Variants in RCAN2 observed in about 807,000 individuals in gnomAD.
RCAN2 encodes regulator of calcineurin 2, also known as calcipressin-2.
Under a neutral mutation model 23.6 loss-of-function variants are expected in RCAN2, and 9 were observed. The observed-to-expected ratio is 0.38, with a 90% CI of 0.23 to 0.67. The LOEUF (loss-of-function observed/expected upper bound fraction) is 0.67. RCAN2 is among the 30% of genes least tolerant of loss of function. The pLI, the probability that RCAN2 is intolerant of heterozygous loss-of-function variation, is 0.51. For synonymous variants in RCAN2, 109 were observed against 115.7 expected, an observed-to-expected ratio of 0.94 and a Z score of 0.37; for missense variants, 273 against 302.3, an observed-to-expected ratio of 0.90 and a Z score of 0.72.
At chr6:46,233,996 T>C (rs1766001623) in intron 4 of RCAN2, among the ~76,000 whole-genome samples, 2 of 152,198 alleles carry the variant, frequency 1.3e-5, no homozygotes, top group South Asian at 4.1e-4. Flanking sequence ...CCCAAAGTGC[T>C]GAGATTACAG....
chr6:46,388,555 C>A (rs1477214015), intron 2 of RCAN2, among the ~76,000 whole-genome samples: 1 of 152,140 alleles, frequency 6.6e-6, no homozygotes, highest in East Asian at 1.9e-4. Context: ...ACCTTAATGT[C>A]CATCAATGAT....
upstream of RCAN2, chr6:46,491,910 G>A (rs1424187423): frequency 6.6e-6 from 1 of 152,376 alleles, no homozygotes; most frequent in African/African-American, 2.4e-5. Context: ...CTGAGGAAAT[G>A]TCGGGGAGCC....
At chr6:46,329,062 C>T (rs1224071572) in intron 2 of RCAN2, among the ~76,000 whole-genome samples, 3 of 152,140 alleles carry the variant, frequency 2.0e-5, no homozygotes, top group African/African-American at 4.8e-5. Flanking sequence ...TTTCTTCACT[C>T]CTCTTGTTCC....
At chr6:46,424,691 G>A (rs1205857071) in intron 2 of RCAN2, among the ~76,000 whole-genome samples, 1 of 152,072 alleles carries the variant, frequency 6.6e-6, no homozygotes, top group African/African-American at 2.4e-5. Context: ...TCCTTAGGCT[G>A]CCCCTGACAG....
chr6:46,388,381 G>A (rs2153618), intron 2 of RCAN2, among the ~76,000 whole-genome samples: 75,685 of 151,918 alleles, frequency 0.5, 19,535 homozygotes, highest in East Asian at 0.61. Context: ...ATCGTGGAAG[G>A]CAGTGTGGCA....
At chr6:46,450,772 CA>C (rs1418159309) in intron 2 of RCAN2, among the ~76,000 whole-genome samples, 2 of 151,800 alleles carry the variant, frequency 1.3e-5, no homozygotes, top group Non-Finnish European at 2.9e-5. Context: ...TGGTACTTAC[CA>C]GGGGCTGGGA....
At chr6:46,482,051 G>A (rs897255375) in intron 1 of RCAN2, among the ~76,000 whole-genome samples, 1 of 151,898 alleles carries the variant, frequency 6.6e-6, no homozygotes, top group Non-Finnish European at 1.5e-5. Context: ...ATCCAAAAAG[G>A]AATAATAAAA....
chr6:46,445,337 A>T (rs1192976130), intron 2 of RCAN2, among the ~76,000 whole-genome samples: 1 of 152,116 alleles, frequency 6.6e-6, no homozygotes, highest in Non-Finnish European at 1.5e-5. Flanking sequence ...CCACCTGCTG[A>T]CCCAGGCACC....
intron 2 of RCAN2, among the ~76,000 whole-genome samples, chr6:46,252,423 C>G (rs1343257728): frequency 6.6e-6 from 1 of 152,156 alleles, no homozygotes; most frequent in African/African-American, 2.4e-5. Context: ...TTTGTAGCAT[C>G]CTGTTTGAAT....
chr6:46,447,481 A>G (rs2150426589), intron 2 of RCAN2, among the ~76,000 whole-genome samples: 1 of 152,072 alleles, frequency 6.6e-6, no homozygotes, highest in Non-Finnish European at 1.5e-5. Flanking sequence ...TAAACTGCAC[A>G]TTAGACCAAA....
chr6:46,424,488 G>C (rs1050619054), intron 2 of RCAN2, among the ~76,000 whole-genome samples: 2 of 152,074 alleles, frequency 1.3e-5, no homozygotes, highest in Non-Finnish European at 2.9e-5. Flanking sequence ...CCATCCTCCA[G>C]TTCTTCTTCT....
chr6:46,437,353 G>A (rs920123867), intron 2 of RCAN2, among the ~76,000 whole-genome samples: 2 of 152,174 alleles, frequency 1.3e-5, no homozygotes, highest in African/African-American at 4.8e-5. Flanking sequence ...TAAATTCCAA[G>A]AGCATCACTC....
chr6:46,326,003 G>T, intron 2 of RCAN2: 2 of 488,550 alleles, frequency 4.1e-6, no homozygotes, highest in Non-Finnish European at 5.3e-6. Flanking sequence ...CCTTCGAGAT[G>T]AGCAGGAAGT....
intron 4 of RCAN2, among the ~76,000 whole-genome samples, chr6:46,225,926 A>G (rs959231097): frequency 6.6e-6 from 1 of 152,188 alleles, no homozygotes; most frequent in Non-Finnish European, 1.5e-5. Flanking sequence ...TAGGTCTAAC[A>G]TTTAAGTCTT....
At chr6:46,402,700 G>A (rs1298014269) in intron 2 of RCAN2, among the ~76,000 whole-genome samples, 1 of 152,120 alleles carries the variant, frequency 6.6e-6, no homozygotes, top group South Asian at 2.1e-4. Context: ...TTCCCACTCC[G>A]TCTAGTAACA....
At chr6:46,457,464 A>T (rs943526738) in intron 1 of RCAN2, among the ~76,000 whole-genome samples, 11 of 152,324 alleles carry the variant, frequency 7.2e-5, no homozygotes, top group African/African-American at 2.6e-4. Flanking sequence ...CACTGACAAA[A>T]TGGCAGGGCT....
chr6:46,316,113 A>T (rs1763427532), intron 2 of RCAN2, among the ~76,000 whole-genome samples: 1 of 152,094 alleles, frequency 6.6e-6, no homozygotes, highest in South Asian at 2.1e-4. Context: ...AGATGAGTTG[A>T]AAACTGCAGG....
At chr6:46,340,160 C>G (rs1487916635) in intron 2 of RCAN2, among the ~76,000 whole-genome samples, 1 of 152,080 alleles carries the variant, frequency 6.6e-6, no homozygotes, top group Non-Finnish European at 1.5e-5. Flanking sequence ...GATCTTCTAC[C>G]CTAGTTGCAG....
chr6:46,382,432 A>T (rs999754170), intron 2 of RCAN2, among the ~76,000 whole-genome samples: 2 of 152,188 alleles, frequency 1.3e-5, no homozygotes, highest in Non-Finnish European at 2.9e-5. Flanking sequence ...TGGGACAAAA[A>T]TATTCCTCTT....
Sources: allele counts gnomAD v4.1 joint callset (sites outside exome capture counted in the v4.1 genomes callset), GRCh38; gene constraint gnomAD v4.1.1; transcripts MANE v1.5; gene names NCBI Gene and HGNC (gene_info 2026-07-23, HGNC 2026-07-21).